The following PRKN variants were observed in gnomAD, a reference collection of about 807,000 sequenced individuals.
The protein encoded by PRKN is parkin RBR E3 ubiquitin protein ligase.
Under a neutral mutation model 59.5 loss-of-function variants are expected in PRKN, and 56 were observed. The ratio of observed to expected loss-of-function variants is 0.94; its 90% CI spans 0.76 to 1.18. The LOEUF (loss-of-function observed/expected upper bound fraction) is 1.18. PRKN is among the 50% of genes most tolerant of loss of function. The pLI is 0.00. For synonymous variants in PRKN, 250 were observed against 222.1 expected (o/e 1.13, Z -1.12); for missense variants, 657 against 596.4 (o/e 1.10, Z -1.06).
intron 7 of PRKN, among the ~76,000 whole-genome samples, chr6:161,613,717 A>AGGATTT (rs542995150): frequency 2.2e-3 from 329 of 152,330 alleles, no homozygotes; most frequent in African/African-American, 7.6e-3. Context: ...CAAAAAGATA[A>AGGATTT]GGATTTGCTT....
At chr6:162,619,988 T>C (rs192608470) in intron 1 of PRKN, among the ~76,000 whole-genome samples, 1 of 152,282 alleles carries the variant, frequency 6.6e-6, no homozygotes, top group East Asian at 1.9e-4. Flanking sequence ...TTAACATACA[T>C]GACATTGCAA....
intron 2 of PRKN, among the ~76,000 whole-genome samples, chr6:162,410,440 G>A (rs1043851146): frequency 1.3e-5 from 2 of 152,140 alleles, no homozygotes; most frequent in Admixed American, 6.6e-5. Context: ...CCATCTAGCC[G>A]GGTCTCCTCC....
intron 6 of PRKN, among the ~76,000 whole-genome samples, chr6:161,833,663 GAGTTTGGTTATGC>G (rs1302059467): frequency 6.6e-6 from 1 of 152,150 alleles, no homozygotes; most frequent in African/African-American, 2.4e-5. Context: ...ATCGGGGTTG[GAGTTTGGTTATGC>G]AACCATTGAG....
chr6:162,093,496 G>A (rs538538793), intron 4 of PRKN, among the ~76,000 whole-genome samples: 9 of 152,074 alleles, frequency 5.9e-5, no homozygotes, highest in East Asian at 1.9e-4. Flanking sequence ...AAATTCTCCC[G>A]CACTAACCTG....
chr6:162,386,587 C>T (rs1439844944), intron 2 of PRKN, among the ~76,000 whole-genome samples: 3 of 152,196 alleles, frequency 2.0e-5, no homozygotes, highest in East Asian at 1.9e-4. Context: ...GGTTTGGGTC[C>T]AGCACTGGGC....
At chr6:161,873,753 C>T (rs1309950696) in intron 6 of PRKN, among the ~76,000 whole-genome samples, 2 of 151,210 alleles carry the variant, frequency 1.3e-5, no homozygotes, top group East Asian at 3.9e-4. Flanking sequence ...TGCCCTATTT[C>T]CCCTACTATT....
chr6:162,291,778 A>G (rs1190047387), intron 2 of PRKN, among the ~76,000 whole-genome samples: 1 of 152,054 alleles, frequency 6.6e-6, no homozygotes, highest in Non-Finnish European at 1.5e-5. Context: ...AACAATCTCC[A>G]AAGACGTTTT....
At chr6:162,277,543 G>T (rs1340759715) in intron 2 of PRKN, among the ~76,000 whole-genome samples, 1 of 151,812 alleles carries the variant, frequency 6.6e-6, no homozygotes, top group Admixed American at 6.6e-5. Context: ...TAAACTTTTG[G>T]TCAGAATAAT....
At chr6:162,446,948 G>A (rs1790342647) in intron 1 of PRKN, among the ~76,000 whole-genome samples, 1 of 152,182 alleles carries the variant, frequency 6.6e-6, no homozygotes, top group African/African-American at 2.4e-5. Flanking sequence ...GCTACATAAA[G>A]AGAAATTTGA....
At chr6:162,451,573 GA>G (rs1423847932) in intron 1 of PRKN, among the ~76,000 whole-genome samples, 1 of 150,662 alleles carries the variant, frequency 6.6e-6, no homozygotes, top group Non-Finnish European at 1.5e-5. Flanking sequence ...TTAAAAAAAA[GA>G]AAAAAAGAGA....
rs1276292383 is a variant in PRKN at position 161,581,641 on chromosome 6, GAC to G, written c.872-12227_872-12226del. Among the ~76,000 whole-genome samples the G allele has an allele frequency of 1.3e-5, 2 of 152,182 alleles. No homozygotes were observed. Among genetic ancestry groups the G allele is most frequent in the East Asian group, 3.9e-4 (2 of 5,184 alleles). ...CCTATGTCATCAACAGTGAGCAAGA[GAC>G]AGGAAATAGAATGGAAGAAATGAAG... On this transcript the variant is annotated intron_variant, in intron 7 of 11. Transcript: ENST00000366898. The surrounding 1 kb of genome is among the most constrained non-coding windows in gnomAD (Gnocchi z 4.5).
At chr6:162,639,315 C>T (rs1205016061) in intron 1 of PRKN, among the ~76,000 whole-genome samples, 1 of 151,976 alleles carries the variant, frequency 6.6e-6, no homozygotes, top group African/African-American at 2.4e-5. Flanking sequence ...AAAATCATGT[C>T]TCTTATGTAA....
At chr6:162,490,071 A>G (rs189272191) in intron 1 of PRKN, among the ~76,000 whole-genome samples, 210 of 152,304 alleles carry the variant, frequency 1.4e-3, no homozygotes, top group African/African-American at 4.3e-3. Flanking sequence ...CAGTGACAGC[A>G]TACTCTCTCA....
At chr6:162,346,035 C>T (rs534453020) in intron 2 of PRKN, among the ~76,000 whole-genome samples, 3 of 152,224 alleles carry the variant, frequency 2.0e-5, no homozygotes, top group African/African-American at 7.2e-5. Context: ...CATGTTATGA[C>T]ACAGGAGAAA....
chr6:162,189,535 A>C (rs1398520253), intron 4 of PRKN, among the ~76,000 whole-genome samples: 1 of 151,332 alleles, frequency 6.6e-6, no homozygotes, highest in Admixed American at 6.6e-5. Context: ...TCAAATAATA[A>C]TAATAGTAAT....
At position 162,604,641 on chromosome 6, in the gene PRKN, G is replaced by A. The variant is rs931353354; in HGVS notation, c.7+123021C>T. 1.3e-4 allele frequency among the ~76,000 whole-genome samples: 19 copies of A among 150,962 alleles called. 1 individual carries two copies. The highest frequency in any genetic ancestry group is 4.1e-4 in the African/African-American group (17 of 41,058). On this transcript the variant is annotated intron_variant, in intron 1 of 11. Coordinates refer to ENST00000366898, the MANE Select transcript of PRKN (RefSeq NM_004562.3). ...TATGAAGTCTCTGGTGTGTCAGCTCGTGTGTGACAGACAAACAATAGCCTT... is the reference window on the plus strand; with the variant it reads ...TATGAAGTCTCTGGTGTGTCAGCTCATGTGTGACAGACAAACAATAGCCTT...
chr6:162,709,379 T>A (rs1048843533), intron 1 of PRKN, among the ~76,000 whole-genome samples: 4 of 101,864 alleles, frequency 3.9e-5, no homozygotes, highest in Non-Finnish European at 7.1e-5. Flanking sequence ...TGAACACTTT[T>A]TTTTTTTTTT....
In PRKN at chr6:162,558,224, A is replaced by G. The variant is rs538549904; in HGVS notation, c.8-114751T>C. 9.8e-5 allele frequency among the ~76,000 whole-genome samples: 15 copies of G among 152,336 alleles called. No homozygotes were observed. The South Asian group carries it at 3.1e-3, about 32-fold the overall frequency. On this transcript the variant is annotated intron_variant, in intron 1 of 11. Coordinates refer to ENST00000366898, the MANE Select transcript of PRKN (RefSeq NM_004562.3). ...AGTATATTATCAGGAATCTCAAAGA[A>G]AGTGGCATTCATGTTATAGCCTTCA...
At chr6:162,271,545 A>C (rs1485023460) in intron 2 of PRKN, 4 of 151,468 alleles carry the variant, frequency 2.6e-5, no homozygotes, top group African/African-American at 9.7e-5. Flanking sequence ...TCCGTCTCAA[A>C]AAAAAAAAAA....
Sources: allele counts gnomAD v4.1 joint callset (sites outside exome capture counted in the v4.1 genomes callset), GRCh38; gene constraint gnomAD v4.1.1; non-coding constraint Gnocchi (gnomAD v3.1); transcripts MANE v1.5; gene names NCBI Gene and HGNC (gene_info 2026-07-23, HGNC 2026-07-21).